Variants in GALNT17 observed in about 807,000 individuals in gnomAD.
The protein encoded by GALNT17 is UDP-GalNAc:polypeptide N-acetylgalactosaminyltransferase-like 3.
A neutral mutation model predicts 63.7 loss-of-function variants in GALNT17; 29 were observed. That is an observed-to-expected ratio of 0.46 (90% CI 0.34 to 0.62). The LOEUF (loss-of-function observed/expected upper bound fraction) is 0.62. Ranked by LOEUF, GALNT17 falls within the 20% of genes least tolerant of loss-of-function variation. GALNT17 has a pLI of 0.01. For synonymous variants in GALNT17, 305 were observed against 318.3 expected (o/e 0.96, Z 0.45); for missense variants, 603 against 799.6 (o/e 0.75, Z 2.97).
chr7:71,566,864 G>A (rs1378859445), intron 5 of GALNT17, among the ~76,000 whole-genome samples: 3 of 152,114 alleles, frequency 2.0e-5, no homozygotes, highest in African/African-American at 7.2e-5. Flanking sequence ...GGAAAGCCAG[G>A]ATTCCTGGGT....
At chr7:71,155,241 G>A (rs532908750) in intron 1 of GALNT17, among the ~76,000 whole-genome samples, 47 of 151,842 alleles carry the variant, frequency 3.1e-4, no homozygotes, top group African/African-American at 1.1e-3. Flanking sequence ...AGGTCTTTTA[G>A]CAGCAGAGAC....
intron 2 of GALNT17, among the ~76,000 whole-genome samples, chr7:71,370,240 C>T (rs1244923151): frequency 6.6e-6 from 1 of 152,206 alleles, no homozygotes; most frequent in Non-Finnish European, 1.5e-5. Flanking sequence ...TTAAGTCTCT[C>T]ATGCTTCTTC....
intron 1 of GALNT17, among the ~76,000 whole-genome samples, chr7:71,208,396 A>G (rs530499189): frequency 9.9e-5 from 15 of 151,908 alleles, no homozygotes; most frequent in Non-Finnish European, 1.9e-4. Flanking sequence ...ATACCCTCCC[A>G]GAAACATTTA....
intron 2 of GALNT17, among the ~76,000 whole-genome samples, chr7:71,341,097 C>T (rs531688483): frequency 6.6e-6 from 1 of 152,040 alleles, no homozygotes; most frequent in East Asian, 1.9e-4. Flanking sequence ...GACCTGTAGT[C>T]CTAGCTATTC....
At position 71,693,309 on chromosome 7, in the gene GALNT17, C is replaced by CACATATAT. The variant is rs1554325721; in HGVS notation, c.1500+16004_1500+16005insCATATATA. On this transcript the variant is annotated intron_variant, in intron 9 of 10. Transcript: ENST00000333538. ...ACACACACACACACACACACACACA[C>CACATATAT]ATATATATATATGGAGACAAGACCA... Among the ~76,000 whole-genome samples, 39 of 124,194 alleles carry CACATATAT rather than the reference C, an allele frequency of 3.1e-4. 1 individual carries two copies. The highest frequency in any genetic ancestry group is 1.1e-3 in the African/African-American group (38 of 34,134). 81.5% of individuals were successfully genotyped at this position (124,194 alleles called of 152,430 possible). A position where few individuals can be genotyped will look rare whatever the true frequency, so the allele number is the denominator to read the frequency against.
intron 1 of GALNT17, chr7:71,284,075 C>G (rs185178594): frequency 6.6e-6 from 1 of 152,120 alleles, no homozygotes; most frequent in Non-Finnish European, 1.5e-5. Context: ...TGGTTCTTTT[C>G]GGTGCTGTGG....
chr7:71,184,164 A>C (rs1262288539), intron 1 of GALNT17, among the ~76,000 whole-genome samples: 1 of 152,152 alleles, frequency 6.6e-6, no homozygotes, highest in Non-Finnish European at 1.5e-5. Flanking sequence ...TCTACAAACC[A>C]AGAGAGACTG....
At chr7:71,412,247 G>A (rs1793442257) in intron 3 of GALNT17, among the ~76,000 whole-genome samples, 1 of 152,216 alleles carries the variant, frequency 6.6e-6, no homozygotes, top group Admixed American at 6.5e-5. Flanking sequence ...CGAGGCTGCA[G>A]TGAGCCATGA....
intron 1 of GALNT17, among the ~76,000 whole-genome samples, chr7:71,261,959 GGA>G (rs1176193002): frequency 1.3e-5 from 2 of 152,090 alleles, no homozygotes; most frequent in Non-Finnish European, 2.9e-5. Flanking sequence ...CCTCTTCCCG[GGA>G]GCCGTGAGCA....
At chr7:71,704,430 C>T (rs1398111671) in intron 9 of GALNT17, among the ~76,000 whole-genome samples, 1 of 149,962 alleles carries the variant, frequency 6.7e-6, no homozygotes, top group Non-Finnish European at 1.5e-5. Context: ...GTTAAGATGG[C>T]ATTTCTTCCT....
intron 1 of GALNT17, among the ~76,000 whole-genome samples, chr7:71,213,372 G>A (rs1291539686): frequency 1.3e-5 from 2 of 152,174 alleles, no homozygotes; most frequent in African/African-American, 4.8e-5. Context: ...CCTAGTCCCA[G>A]TGTGTCTTTA....
intron 2 of GALNT17, among the ~76,000 whole-genome samples, chr7:71,381,247 C>T (rs886462438): frequency 1.2e-4 from 19 of 152,092 alleles, no homozygotes; most frequent in Non-Finnish European, 2.6e-4. Flanking sequence ...AGGCGTGAGC[C>T]ACCACGCCTG....
chr7:71,283,811 A>T (rs954541789), intron 1 of GALNT17, among the ~76,000 whole-genome samples: 12 of 152,258 alleles, frequency 7.9e-5, no homozygotes, highest in Middle Eastern at 3.4e-3. Context: ...AGCCAGCTGG[A>T]CTTCCTGGGT....
At position 71,551,164 on chromosome 7, in the gene GALNT17, G is replaced by A. The variant is rs1789070310; in HGVS notation, c.963-20121G>A. On this transcript the variant is annotated intron_variant, in intron 5 of 10. Coordinates refer to ENST00000333538, the MANE Select transcript of GALNT17 (RefSeq NM_022479.3). ...ATTCTTCATCTTTTTCTCCCTCTGTGCTTCATTCTTCATAGTTTCTTCTGT... is the reference window on the plus strand; with the variant it reads ...ATTCTTCATCTTTTTCTCCCTCTGTACTTCATTCTTCATAGTTTCTTCTGT... Among the ~76,000 whole-genome samples the A allele has an allele frequency of 2.0e-5, 3 of 151,854 alleles. No homozygotes were observed. The South Asian group carries it at 6.2e-4, about 31-fold the overall frequency.
Position 71,416,060 on chromosome 7 carries a change from G to T in GALNT17, c.761G>T (p.Gly254Val). Residue 254 changes from glycine (G) to valine (V), a missense_variant, in exon 4 of 11, where the codon GGC becomes GTC. Gly to Val is a moderately radical substitution (Grantham distance 109, BLOSUM62 -3). Coordinates refer to ENST00000333538, the MANE Select transcript of GALNT17 (RefSeq NM_022479.3). ...FFDAHVEFTAGWAEPVLSRIQ... is the reference protein window; with the variant it reads ...FFDAHVEFTAVWAEPVLSRIQ... ...GATGCCCACGTGGAATTCACCGCTG[G>T]CTGGTAGGTCATGAGCTGAAACTCA... is the stretch of plus-strand genomic sequence containing the variant. 6.2e-7 allele frequency: 1 copy of T among 1,609,666 alleles called. No individual in the cohort carries two copies. Among genetic ancestry groups the T allele is most frequent in the Non-Finnish European group, 8.5e-7 (1 of 1,178,144 alleles).
chr7:71,521,580 T>A (rs1242547811), intron 5 of GALNT17, among the ~76,000 whole-genome samples: 1 of 152,212 alleles, frequency 6.6e-6, no homozygotes, highest in African/African-American at 2.4e-5. Flanking sequence ...TGAAATCAGA[T>A]CACCGTGACT....
chr7:71,381,736 G>T (rs1792850887), intron 2 of GALNT17, among the ~76,000 whole-genome samples: 1 of 152,154 alleles, frequency 6.6e-6, no homozygotes, highest in Non-Finnish European at 1.5e-5. Flanking sequence ...CTGAGATCAT[G>T]CCATGGCACT....
At chr7:71,162,943 G>A (rs1333318341) in intron 1 of GALNT17, among the ~76,000 whole-genome samples, 1 of 152,224 alleles carries the variant, frequency 6.6e-6, no homozygotes, top group African/African-American at 2.4e-5. Context: ...TGACTCTACT[G>A]CATGGAAGAC....
chr7:71,614,000 T>A (rs1041288363), intron 6 of GALNT17, among the ~76,000 whole-genome samples: 25 of 152,060 alleles, frequency 1.6e-4, no homozygotes, highest in Non-Finnish European at 3.1e-4. Context: ...TCAAGAACTC[T>A]GATTTGTTTC....
Sources: gnomAD v4.1 joint callset for allele counts (sites outside exome capture counted in the v4.1 genomes callset) on GRCh38, gnomAD v4.1.1 for gene constraint, MANE v1.5 for transcripts, NCBI Gene and HGNC (gene_info 2026-07-23, HGNC 2026-07-21) for gene names.